ZDHHC3: variants seen among roughly 807,000 people sequenced by gnomAD.
The protein encoded by ZDHHC3 is palmitoyltransferase ZDHHC3.
Under a neutral mutation model 30.6 loss-of-function variants are expected in ZDHHC3, and 9 were observed. The observed-to-expected ratio is 0.29, with a 90% CI of 0.18 to 0.51. The LOEUF is 0.51. Ranked by LOEUF, ZDHHC3 falls within the 20% of genes least tolerant of loss-of-function variation. The pLI is 0.97. For synonymous variants in ZDHHC3, 136 were observed against 140.2 expected, an observed-to-expected ratio of 0.97 and a Z score of 0.21; for missense variants, 246 against 384.2, an observed-to-expected ratio of 0.64 and a Z score of 3.01.
chr3:44,970,338 G>C (rs1438737768), intron 1 of ZDHHC3, among the ~76,000 whole-genome samples: 1 of 152,184 alleles, frequency 6.6e-6, no homozygotes, highest in African/African-American at 2.4e-5. Flanking sequence ...AGAGGGCTTT[G>C]GAAATAGATG....
chr3:44,965,171 C>A (rs986370820), intron 1 of ZDHHC3, among the ~76,000 whole-genome samples: 1 of 152,142 alleles, frequency 6.6e-6, no homozygotes, highest in African/African-American at 2.4e-5. Flanking sequence ...CCAAGAAATG[C>A]CTGAAATTAG....
chr3:44,939,167 G>A (rs1181738759), intron 3 of ZDHHC3, among the ~76,000 whole-genome samples: 1 of 152,204 alleles, frequency 6.6e-6, no homozygotes. Context: ...GGGACCAGGA[G>A]GGCAAGGTAA....
At chr3:44,963,459 T>C (rs977339479) in intron 1 of ZDHHC3, among the ~76,000 whole-genome samples, 1 of 151,738 alleles carries the variant, frequency 6.6e-6, no homozygotes, top group African/African-American at 2.4e-5. Flanking sequence ...AAGAAAAGAT[T>C]TGTTCCTTAA....
intron 5 of ZDHHC3, chr3:44,932,909 G>A: frequency 6.2e-7 from 1 of 1,614,094 alleles, no homozygotes; most frequent in Non-Finnish European, 8.5e-7. Context: ...GACTTTACCT[G>A]TCGAACTGAA....
intron 1 of ZDHHC3, among the ~76,000 whole-genome samples, chr3:44,974,782 T>C (rs571069406): frequency 2.2e-4 from 34 of 152,306 alleles, no homozygotes; most frequent in African/African-American, 7.9e-4. Flanking sequence ...AGCTCAGCAG[T>C]TTAATGCTTA....
At position 44,924,216 on chromosome 3, in the gene ZDHHC3, G is replaced by A. The variant is rs1475674418; in HGVS notation, c.*2473C>T. 4.1e-6 allele frequency: 4 copies of A among 985,308 alleles called. No individual in the cohort carries two copies. Among genetic ancestry groups the A allele is most frequent in the Non-Finnish European group, 4.8e-6 (4 of 829,938 alleles). The allele number at this position is 985,308 out of a possible 1,614,324, so 61.0% of individuals were successfully genotyped here. On this transcript the variant is annotated 3_prime_UTR_variant, in exon 7 of 7. Coordinates refer to ENST00000424952, the MANE Select transcript of ZDHHC3 (RefSeq NM_001135179.2). ...AAGATGTCCTCTTTCATTACATCCG[G>A]AAATACTGAGGAGAGCTCAGGGATG... is the stretch of plus-strand genomic sequence containing the variant.
At position 44,923,881 on chromosome 3, in the gene ZDHHC3, CA is replaced by C; in HGVS notation, c.*2807del. The C allele has an allele frequency of 1.0e-6, 1 of 985,388 alleles. No individual in the cohort carries two copies. Among genetic ancestry groups the C allele is most frequent in the Non-Finnish European group, 1.2e-6 (1 of 829,932 alleles). 61.0% of individuals were successfully genotyped at this position (985,388 alleles called of 1,614,324 possible). A position where few individuals can be genotyped will look rare whatever the true frequency, so the allele number is the denominator to read the frequency against. On this transcript the variant is annotated 3_prime_UTR_variant, in exon 7 of 7. Coordinates refer to ENST00000424952, the MANE Select transcript of ZDHHC3 (RefSeq NM_001135179.2). ...GAGATTTAGCACATGCACTTCTACC[CA>C]AATGTGTTTTGTGTACATGATATTA...
Position 44,923,305 on chromosome 3 carries a change from T to C in ZDHHC3, c.*3384A>G. ...GTTAGCCAGGATGATCTCGATCTCTTGACCTCGTGATCTGCCCGCCTCGGC... is the reference window on the plus strand; with the variant it reads ...GTTAGCCAGGATGATCTCGATCTCTCGACCTCGTGATCTGCCCGCCTCGGC... On this transcript the variant is annotated 3_prime_UTR_variant, in exon 7 of 7. Coordinates refer to ENST00000424952, the MANE Select transcript of ZDHHC3 (RefSeq NM_001135179.2). The C allele has an allele frequency of 1.0e-6, 1 of 966,424 alleles. No individual in the cohort carries two copies. The highest frequency in any genetic ancestry group is 1.2e-6 in the Non-Finnish European group (1 of 812,648). 59.9% of individuals were successfully genotyped at this position (966,424 alleles called of 1,614,324 possible). A position where few individuals can be genotyped will look rare whatever the true frequency, so the allele number is the denominator to read the frequency against.
In ZDHHC3 at chr3:44,926,196, G is replaced by A. The variant is rs1700973324; in HGVS notation, c.*493C>T. On this transcript the variant is annotated 3_prime_UTR_variant, in exon 7 of 7. Coordinates refer to ENST00000424952, the MANE Select transcript of ZDHHC3 (RefSeq NM_001135179.2). ...TCCCTTCTGATCCTGCCCTTCTCAG[G>A]CCTCAAGGGGTAAGCATCCATCTTC... 1 of 985,702 alleles carries A rather than the reference G, an allele frequency of 1.0e-6. No individual in the cohort carries two copies. The highest frequency in any genetic ancestry group is 1.7e-5 in the African/African-American group (1 of 57,246). 61.1% of individuals were successfully genotyped at this position (985,702 alleles called of 1,614,324 possible).
intron 3 of ZDHHC3, among the ~76,000 whole-genome samples, chr3:44,944,149 A>G (rs190172450): frequency 1.3e-5 from 2 of 152,122 alleles, no homozygotes; most frequent in Non-Finnish European, 2.9e-5. Context: ...GCTAATTAAA[A>G]AAAAATTTTT....
rs1700387809 is a variant in ZDHHC3 at position 44,918,759 on chromosome 3, C to T, written c.*7930G>A. On this transcript the variant is annotated 3_prime_UTR_variant, in exon 7 of 7. Coordinates refer to ENST00000424952, the MANE Select transcript of ZDHHC3 (RefSeq NM_001135179.2). ...GCTCAGGCCTGCTCATGCAGCAGATCCACCCTGCAGCCTCTTCCAAGCTGT... is the reference window on the plus strand; with the variant it reads ...GCTCAGGCCTGCTCATGCAGCAGATTCACCCTGCAGCCTCTTCCAAGCTGT... 1 of 987,742 alleles carries T rather than the reference C, an allele frequency of 1.0e-6. No individual in the cohort carries two copies. Among genetic ancestry groups the T allele is most frequent in the African/African-American group, 1.7e-5 (1 of 57,380 alleles). The allele number at this position is 987,742 out of a possible 1,614,324, so 61.2% of individuals were successfully genotyped here. A position where few individuals can be genotyped will look rare whatever the true frequency, so the allele number is the denominator to read the frequency against.
At chr3:44,931,915 C>A (rs1431618820) in intron 5 of ZDHHC3, among the ~76,000 whole-genome samples, 1 of 152,174 alleles carries the variant, frequency 6.6e-6, no homozygotes, top group African/African-American at 2.4e-5. Context: ...ATGCACTGCT[C>A]AAAAAGCCCT....
chr3:44,920,315 C>A lies in ZDHHC3; in HGVS notation c.*6374G>T. ...GTTTGCTTTGGGCATTCTGCATTCTCTTCCTGGGTGATCATCTGCAGCCTG... is the reference window on the plus strand; with the variant it reads ...GTTTGCTTTGGGCATTCTGCATTCTATTCCTGGGTGATCATCTGCAGCCTG... On this transcript the variant is annotated 3_prime_UTR_variant, in exon 7 of 7. Transcript: ENST00000424952. 7.8e-7 allele frequency: 1 copy of A among 1,289,864 alleles called. No homozygotes were observed. Among genetic ancestry groups the A allele is most frequent in the Non-Finnish European group, 1.0e-6 (1 of 988,878 alleles). 79.9% of individuals were successfully genotyped at this position (1,289,864 alleles called of 1,614,324 possible).
chr3:44,967,112 T>C (rs1291700225), intron 1 of ZDHHC3, among the ~76,000 whole-genome samples: 1 of 151,774 alleles, frequency 6.6e-6, no homozygotes, highest in African/African-American at 2.4e-5. Context: ...AAAAGTAAAA[T>C]ATTGTACCTC....
Position 44,959,031 on chromosome 3 carries a change from T to C in ZDHHC3, c.306+100A>G. The C allele has an allele frequency of 6.9e-7, 1 of 1,451,540 alleles. No homozygotes were observed. The highest frequency in any genetic ancestry group is 1.9e-5 in the Admixed American group (1 of 52,154). The allele number at this position is 1,451,540 out of a possible 1,614,324, so 89.9% of individuals were successfully genotyped here. A position where few individuals can be genotyped will look rare whatever the true frequency, so the allele number is the denominator to read the frequency against. On this transcript the variant is annotated intron_variant, in intron 2 of 6. Coordinates refer to ENST00000424952, the MANE Select transcript of ZDHHC3 (RefSeq NM_001135179.2). The surrounding 1 kb of genome is among the most constrained non-coding windows in gnomAD (Gnocchi z 4.3). The stretch of plus-strand genomic sequence containing the variant: ...TCACCCTCCCCTGGCCCTCCTATCC[T>C]CCAAGTTCCCAAGGTCCAGGGGGAA...
chr3:44,968,042 G>A (rs1705101941), intron 1 of ZDHHC3, among the ~76,000 whole-genome samples: 1 of 152,176 alleles, frequency 6.6e-6, no homozygotes, highest in Non-Finnish European at 1.5e-5. Flanking sequence ...ATATTCCCAA[G>A]GTCGCATTGA....
chr3:44,957,808 T>A (rs949413647), intron 2 of ZDHHC3, among the ~76,000 whole-genome samples: 7 of 152,208 alleles, frequency 4.6e-5, no homozygotes, highest in Non-Finnish European at 7.3e-5. Flanking sequence ...AGGGTTATCA[T>A]CACCTGTCTT....
intron 2 of ZDHHC3, among the ~76,000 whole-genome samples, chr3:44,950,269 G>A (rs1024481988): frequency 1.3e-5 from 2 of 152,230 alleles, no homozygotes; most frequent in African/African-American, 2.4e-5. Flanking sequence ...TTTCCCCCAA[G>A]GACATGAAGC....
intron 1 of ZDHHC3, among the ~76,000 whole-genome samples, 156 bp downstream of exon 1, chr3:44,975,777 C>T (rs1428648661): frequency 2.0e-5 from 3 of 149,778 alleles, no homozygotes. Context: ...CTCTCTCACA[C>T]ACACACACAC....
Sources: allele counts gnomAD v4.1 joint callset (sites outside exome capture counted in the v4.1 genomes callset), GRCh38; gene constraint gnomAD v4.1.1; non-coding constraint Gnocchi (gnomAD v3.1); transcripts MANE v1.5; gene names NCBI Gene and HGNC (gene_info 2026-07-23, HGNC 2026-07-21).